The following MYH6 variants were observed in gnomAD, a reference collection of about 807,000 sequenced individuals.
The protein encoded by MYH6 is myosin heavy chain 6, also known as myosin-6.
A neutral mutation model predicts 223.2 loss-of-function variants in MYH6; 126 were observed. That is an observed-to-expected ratio of 0.56 (90% confidence interval 0.49 to 0.65). The LOEUF is 0.65. Among genes scored for constraint, MYH6 ranks in the 30% least tolerant of loss-of-function variants. MYH6 has a pLI of 0.00. For missense variants in MYH6, 2,040 were observed against 2,536.4 expected (o/e 0.80, Z 4.20); for synonymous variants, 978 against 1,010.2 (o/e 0.97, Z 0.61).
Position 23,389,509 on chromosome 14 carries a change from C to T in MYH6, c.3862G>A (p.Glu1288Lys). Residue 1288 changes from glutamate to lysine, a missense_variant and splice_region_variant, in exon 28 of 39, where the codon GAG becomes AAG. Glu to Lys is a moderately conservative substitution (Grantham distance 56, BLOSUM62 1). Coordinates refer to ENST00000405093, the MANE Select transcript of MYH6 (RefSeq NM_002471.4). Reference protein sequence around the residue: ...QRAKLQTENGELARQLEEKEA... With the variant: ...QRAKLQTENGKLARQLEEKEA... Reference sequence around the variant, plus strand: ...TTTTCCTCTAGCTGCCGGGCCAACTCTCCTGGAGGTGAAATGAGGGGCTTG... The same window carrying T: ...TTTTCCTCTAGCTGCCGGGCCAACTTTCCTGGAGGTGAAATGAGGGGCTTG... The T allele has an allele frequency of 1.2e-6, 2 of 1,614,244 alleles. No homozygotes were observed. Among genetic ancestry groups the T allele is most frequent in the Non-Finnish European group, 1.7e-6 (2 of 1,180,044 alleles).
chr14:23,406,432 T>G (rs572163935), intron 3 of MYH6, among the ~76,000 whole-genome samples: 13 of 152,270 alleles, frequency 8.5e-5, no homozygotes, highest in African/African-American at 3.1e-4. Context: ...TTGTGGCCTG[T>G]TATTCTACAC....
At chr14:23,397,511 C>A in intron 16 of MYH6, 32 bp downstream of exon 16, 1 of 1,610,770 alleles carries the variant, frequency 6.2e-7, no homozygotes, top group Non-Finnish European at 8.5e-7. Context: ...GCCATTCCAC[C>A]AGGTGTCCTG....
chr14:23,399,870 T>G, intron 14 of MYH6: 1 of 329,522 alleles, frequency 3.0e-6, no homozygotes, highest in South Asian at 2.7e-5. Flanking sequence ...GGAATGCCCA[T>G]AAGCAAGAGG....
chr14:23,399,763 C>G (rs1891541473), intron 14 of MYH6: 1 of 197,724 alleles, frequency 5.1e-6, no homozygotes, highest in Non-Finnish European at 1.0e-5. Context: ...GTCAGACAAT[C>G]CGGGCTCTGG....
intron 29 of MYH6, 168 bp from the exon 30 acceptor site, chr14:23,388,506 GCCCAGGCGTCCT>G: frequency 8.7e-7 from 1 of 1,154,628 alleles, no homozygotes; most frequent in Non-Finnish European, 1.3e-6. Context: ...AGCACGGGCT[GCCCAGGCGTCCT>G]CCCTACCTGC....
chr14:23,384,522 C>A lies in MYH6; in HGVS notation c.5485G>T (p.Glu1829Ter). The A allele has an allele frequency of 6.2e-7, 1 of 1,613,394 alleles. No individual in the cohort carries two copies. Among genetic ancestry groups the A allele is most frequent in the Non-Finnish European group, 8.5e-7 (1 of 1,180,046 alleles). The change falls in exon 36 of 39, where the codon GAG (glutamate) becomes TAG (stop). Residue 1829 changes from glutamate (E) to a stop codon, truncating the protein, a stop_gained. Coordinates refer to ENST00000405093, the MANE Select transcript of MYH6 (RefSeq NM_002471.4). LOFTEE classifies it high-confidence loss of function. ...TCTGCGTTGCGCTTCTGCTCGGCCT[C>A]CAGCTCACCCTCCAGCTCCCGCACC... ...ARVRELEGELEAEQKRNAESV... is the reference protein window; with the variant it reads ...ARVRELEGEL
In MYH6 at chr14:23,388,142, G is replaced by A. The variant is rs8022522; in HGVS notation, c.4359+13C>T. 0.37 allele frequency: 599,669 copies of A among 1,611,892 alleles called. 119,072 individuals are homozygous for A. The highest frequency in any genetic ancestry group is 0.73 in the African/African-American group (54,925 of 74,868). ...GCCCTGCATGCTGGCTGCGGCCCCC[G>A]CCCATGGTCCACCTTGTCAAAGTTT... On this transcript the variant is annotated intron_variant, in intron 30 of 38. Coordinates refer to ENST00000405093, the MANE Select transcript of MYH6 (RefSeq NM_002471.4).
Position 23,396,318 on chromosome 14 carries a change from T to C in MYH6, c.2395A>G (p.Met799Val). Residue 799 changes from methionine to valine, a missense_variant, in exon 20 of 39, where the codon ATG (methionine) becomes GTG (valine). Met to Val is a conservative substitution (Grantham distance 21, BLOSUM62 1). Coordinates refer to ENST00000405093, the MANE Select transcript of MYH6 (RefSeq NM_002471.4). The stretch of plus-strand genomic sequence containing the variant: ...ACTATCTTCTTGAACTCAATGCGCA[T>C]GAGCTGGCCCCGGGCTTGGGCCTGC... ...RMQAQARGQL[M>V]RIEFKKIVER... 2 of 1,614,130 alleles carry C rather than the reference T, an allele frequency of 1.2e-6. No homozygotes were observed. Among genetic ancestry groups the C allele is most frequent in the South Asian group, 2.2e-5 (2 of 91,090 alleles).
intron 35 of MYH6, 85 bp downstream of exon 35, chr14:23,384,831 C>T (rs918903919): frequency 7.4e-6 from 12 of 1,613,112 alleles, no homozygotes; most frequent in Non-Finnish European, 1.0e-5. Context: ...GCAGAGTTGG[C>T]TTGGTGTTAC....
rs768525424 is a variant in MYH6 at position 23,396,292 on chromosome 14, C to T, written c.2421G>A (p.Val807=). ...TTTTCCTCCTGTCTCACCTGCGTTC[C>T]ACTATCTTCTTGAACTCAATGCGCA... ...QLMRIEFKKI[V]ERRDALLVIQ... The change falls in exon 20 of 39, where the codon GTG becomes GTA. Residue 807 remains valine, a synonymous_variant. Transcript: ENST00000405093. 6.2e-7 allele frequency: 1 copy of T among 1,614,168 alleles called. No individual in the cohort carries two copies. The highest frequency in any genetic ancestry group is 1.1e-5 in the South Asian group (1 of 91,078).
rs150272218 is a variant in MYH6 at position 23,402,517 on chromosome 14, A to G, written c.1088T>C (p.Met363Thr). The G allele has an allele frequency of 4.3e-6, 7 of 1,612,986 alleles. No homozygotes were observed. The African/African-American group carries it at 6.7e-5, about 15-fold the overall frequency. ...CTCCCGCTGCTTCTGCTTGAACTTCATGTTCCCGTAGTGCATGATGGCTCC... is the reference window on the plus strand; with the variant it reads ...CTCCCGCTGCTTCTGCTTGAACTTCGTGTTCCCGTAGTGCATGATGGCTCC... ...LTGAIMHYGN[M>T]KFKQKQREEQ... is the part of the protein sequence containing the mutation. The change falls in exon 12 of 39, where the codon ATG (methionine) becomes ACG (threonine). Residue 363 changes from methionine to threonine, a missense_variant. Physicochemically the swap from Met to Thr is moderately conservative, Grantham distance 81. This residue lies in a region of MYH6 where 649 missense variants were observed against 877.3 expected (regional missense o/e 0.74). Coordinates refer to ENST00000405093, the MANE Select transcript of MYH6 (RefSeq NM_002471.4).
At chr14:23,404,589 C>T in intron 7 of MYH6, 122 bp downstream of exon 7, 4 of 1,126,704 alleles carry the variant, frequency 3.6e-6, no homozygotes, top group Non-Finnish European at 2.6e-6. Flanking sequence ...CTGGGCTGAC[C>T]ATCGGGAGCC....
rs1057524287 is a variant in MYH6 at position 23,385,925 on chromosome 14, C to T, written c.5163+3G>A. ...TCCACAAGGTGGCTCCTGACCCCCTCACCTGGGAATGCAGCAGCTGCACCC... is the reference window on the plus strand; with the variant it reads ...TCCACAAGGTGGCTCCTGACCCCCTTACCTGGGAATGCAGCAGCTGCACCC... On this transcript the variant is annotated splice_donor_region_variant and intron_variant, in intron 34 of 38. Coordinates refer to ENST00000405093, the MANE Select transcript of MYH6 (RefSeq NM_002471.4). The T allele has an allele frequency of 1.2e-6, 2 of 1,614,220 alleles. No homozygotes were observed. The highest frequency in any genetic ancestry group is 1.3e-5 in the African/African-American group (1 of 75,062).
intron 20 of MYH6, among the ~76,000 whole-genome samples, chr14:23,394,686 A>G (rs938228173): frequency 1.3e-5 from 2 of 152,162 alleles, no homozygotes; most frequent in African/African-American, 4.8e-5. Flanking sequence ...CAAAATGACT[A>G]TCCATGAACC....
intron 29 of MYH6, chr14:23,388,549 GC>G: frequency 2.2e-6 from 2 of 890,480 alleles, no homozygotes; most frequent in Non-Finnish European, 1.9e-6. Flanking sequence ...GGGTGTCAGT[GC>G]CCCCTGCCCT....
In MYH6 at chr14:23,389,072, G is replaced by GGGGGGCCC; in HGVS notation, c.3979-18_3979-17insGGGCCCCC. 3 of 1,135,156 alleles carry GGGGGGCCC rather than the reference G, an allele frequency of 2.6e-6. No individual in the cohort carries two copies. The highest frequency in any genetic ancestry group is 3.9e-6 in the Non-Finnish European group (3 of 774,134). 70.3% of individuals were successfully genotyped at this position (1,135,156 alleles called of 1,614,324 possible). A position where few individuals can be genotyped will look rare whatever the true frequency, so the allele number is the denominator to read the frequency against. ...GTTCTTCGCCTGGGGAGGGGGGGGG[G>GGGGGGCCC]CACCAGGAGGTGGGAGGGACTCCCT... On this transcript the variant is annotated splice_polypyrimidine_tract_variant and intron_variant, in intron 28 of 38. Transcript: ENST00000405093.
At chr14:23,399,950 A>G (rs963741956) in intron 14 of MYH6, 6 of 434,154 alleles carry the variant, frequency 1.4e-5, no homozygotes, top group Non-Finnish European at 2.6e-5. Context: ...ATTTCAGCCT[A>G]GGATCTTTCC....
intron 7 of MYH6, 140 bp downstream of exon 7, chr14:23,404,571 C>T (rs992001212): frequency 9.3e-7 from 1 of 1,076,822 alleles, no homozygotes; most frequent in Non-Finnish European, 1.4e-6. Context: ...TCAGGAAGGT[C>T]TTCCATACTG....
chr14:23,404,714 G>T lies in MYH6; in HGVS notation c.639C>A (p.Asn213Lys). 2.5e-6 allele frequency: 4 copies of T among 1,613,982 alleles called. No homozygotes were observed. The highest frequency in any genetic ancestry group is 3.4e-6 in the Non-Finnish European group (4 of 1,179,874). ...GAGCCTGTGTCCCCCATGGCACCTT[G>T]TTCGCATTGGCATTGTCCTTCTTGC... is the stretch of plus-strand genomic sequence containing the variant. ...DRGKKDNANA[N>K]KGTLEDQIIQ... Residue 213 changes from asparagine (N) to lysine (K), a missense_variant, in exon 7 of 39, where the codon AAC becomes AAA. Transcript: ENST00000405093.
Sources: allele counts gnomAD v4.1 joint callset (sites outside exome capture counted in the v4.1 genomes callset), GRCh38; gene constraint gnomAD v4.1.1; regional missense constraint gnomAD v4.1.1; transcripts MANE v1.5; gene names NCBI Gene and HGNC (gene_info 2026-07-23, HGNC 2026-07-21).